Variants in TET3 observed in about 807,000 individuals in gnomAD.
TET3 encodes methylcytosine dioxygenase TET3.
Under a neutral mutation model 141.4 loss-of-function variants are expected in TET3, and 19 were observed. That is an observed-to-expected ratio of 0.13 (90% CI 0.09 to 0.20). TET3 has a LOEUF of 0.20. Among genes scored for constraint, TET3 ranks in the 10% least tolerant of loss-of-function variants. TET3 has a pLI of 1.00. For synonymous variants in TET3, 1,043 were observed against 980.9 expected (o/e 1.06, Z -1.18); for missense variants, 1,874 against 2,356.9 (o/e 0.80, Z 4.24).
the TET3 span, among the ~76,000 whole-genome samples, chr2:74,125,385 C>T: frequency 7.2e-5 from 11 of 152,210 alleles, no homozygotes; most frequent in Non-Finnish European, 1.2e-4. Context: ...TGGTACAATA[C>T]ACGTTTTCAG....
intron 4 of TET3, among the ~76,000 whole-genome samples, chr2:74,067,146 C>A (rs978788085): frequency 1.2e-4 from 19 of 152,090 alleles, no homozygotes; most frequent in African/African-American, 4.6e-4. Flanking sequence ...CTCCCCACCT[C>A]TTCACATGCA....
In TET3 at chr2:74,057,908, G is replaced by T. The variant is rs1688300318; in HGVS notation, c.2494+9497G>T. Among the ~76,000 whole-genome samples, 3 of 152,186 alleles carry T rather than the reference G, an allele frequency of 2.0e-5. No individual in the cohort carries two copies. The South Asian group carries it at 6.2e-4, about 31-fold the overall frequency. On this transcript the variant is annotated intron_variant, in intron 4 of 11. Coordinates refer to ENST00000409262, the MANE Select transcript of TET3 (RefSeq NM_001287491.2). ...TATAATTCTTTGTACATTTTCATTAGTGTTAACAAGCTTAGTTGCAAACAA... is the reference window on the plus strand; with the variant it reads ...TATAATTCTTTGTACATTTTCATTATTGTTAACAAGCTTAGTTGCAAACAA...
intron 2 of TET3, among the ~76,000 whole-genome samples, chr2:73,992,402 C>T (rs1277646506): frequency 6.6e-6 from 1 of 151,442 alleles, no homozygotes; most frequent in East Asian, 1.9e-4. Flanking sequence ...CAACTTCCAC[C>T]TCCCCGGTTC....
intron 3 of TET3, among the ~76,000 whole-genome samples, chr2:74,029,931 GTATGTAT>G (rs1486233598): frequency 6.6e-6 from 1 of 152,212 alleles, no homozygotes; most frequent in Admixed American, 6.5e-5. Flanking sequence ...AAACCACAGA[GTATGTAT>G]GTAACATGGG....
At chr2:74,077,591 T>C (rs1408778327) in intron 5 of TET3, among the ~76,000 whole-genome samples, 1 of 152,208 alleles carries the variant, frequency 6.6e-6, no homozygotes. Context: ...ATTGGCTGTC[T>C]TTAAACACAA....
chr2:73,993,064 T>C (rs935428612), intron 2 of TET3: 15 of 152,194 alleles, frequency 9.9e-5, no homozygotes, highest in African/African-American at 3.1e-4. Context: ...GGGTTCCACA[T>C]TGGGATCACC....
intron 4 of TET3, among the ~76,000 whole-genome samples, chr2:74,062,234 C>A (rs972186796): frequency 1.3e-5 from 2 of 152,200 alleles, no homozygotes; most frequent in Non-Finnish European, 1.5e-5. Context: ...GCCCGGCCAA[C>A]ACAGCGAAAC....
At chr2:74,066,190 A>C (rs1020116991) in intron 4 of TET3, among the ~76,000 whole-genome samples, 1 of 152,214 alleles carries the variant, frequency 6.6e-6, no homozygotes, top group African/African-American at 2.4e-5. Flanking sequence ...TGATATTTAT[A>C]ATTCAGACTT....
intron 11 of TET3, 41 bp downstream of exon 11, chr2:74,099,653 C>G (rs1691054912): frequency 6.7e-7 from 1 of 1,499,448 alleles, no homozygotes; most frequent in African/African-American, 1.4e-5. Flanking sequence ...CACAATGGCA[C>G]TGTCCTCATG....
At chr2:74,060,899 C>T (rs1329735488) in intron 4 of TET3, among the ~76,000 whole-genome samples, 1 of 152,182 alleles carries the variant, frequency 6.6e-6, no homozygotes, top group African/African-American at 2.4e-5. Flanking sequence ...AGTGAAAAGT[C>T]TCCCATGTCT....
Position 74,104,469 on chromosome 2 carries a change from C to G in TET3, c.*2293C>G, listed in dbSNP as rs1691397558. On this transcript the variant is annotated 3_prime_UTR_variant, in exon 12 of 12. Transcript: ENST00000409262. ...TGCTATTTTGCTTATCGCATCAGTA[C>G]TTTTATGCAGGTCTCATTTGACTCC... 2 of 152,154 alleles carry G rather than the reference C, an allele frequency of 1.3e-5. No individual in the cohort carries two copies. Among genetic ancestry groups the G allele is most frequent in the African/African-American group, 2.4e-5 (1 of 41,422 alleles). The allele number at this position is 152,154 out of a possible 1,614,324, so 9.4% of individuals were successfully genotyped here.
At chr2:74,123,777 C>T in the TET3 span, among the ~76,000 whole-genome samples, 261 of 151,532 alleles carry the variant, frequency 1.7e-3, 1 homozygote, top group East Asian at 4.3e-3. Context: ...AAGTGAGGAG[C>T]GCCTCTTCCC....
intron 3 of TET3, among the ~76,000 whole-genome samples, chr2:74,025,322 T>C (rs1295734948): frequency 6.7e-6 from 1 of 148,538 alleles, no homozygotes; most frequent in East Asian, 2.0e-4. Context: ...GGAGTCTCGC[T>C]CTGTTGCCCA....
intron 11 of TET3, 90 bp from the exon 12 acceptor site, chr2:74,100,303 A>AGG (rs1384790357): frequency 7.6e-7 from 1 of 1,322,284 alleles, no homozygotes; most frequent in Non-Finnish European, 1.0e-6. Context: ...CCTGGGAAAG[A>AGG]GGGAGGGTCC....
the TET3 span, among the ~76,000 whole-genome samples, chr2:74,128,225 A>C: frequency 6.6e-6 from 1 of 151,700 alleles, no homozygotes; most frequent in African/African-American, 2.4e-5. Context: ...GTGATTATTT[A>C]ATGTTTGCCA....
intron 7 of TET3, among the ~76,000 whole-genome samples, chr2:74,088,560 G>A (rs1015483056): frequency 6.6e-6 from 1 of 152,102 alleles, no homozygotes; most frequent in African/African-American, 2.4e-5. Flanking sequence ...AGAATCGCTT[G>A]AACTCGGGCG....
In TET3 at chr2:74,093,022, A is replaced by T. The variant is rs1472374775; in HGVS notation, c.3129+31A>T. The T allele has an allele frequency of 1.3e-6, 2 of 1,538,682 alleles. No homozygotes were observed. Among genetic ancestry groups the T allele is most frequent in the South Asian group, 1.2e-5 (1 of 83,886 alleles). On this transcript the variant is annotated intron_variant, in intron 9 of 11. Transcript: ENST00000409262. The surrounding 1 kb of genome is among the most constrained non-coding windows in gnomAD (Gnocchi z 4.2). Reference sequence around the variant, plus strand: ...GGGCCCTGGGCCTTTTGCTGCCCACATGTCACCGTCCACATCTCTGCTCAG... The same window carrying T: ...GGGCCCTGGGCCTTTTGCTGCCCACTTGTCACCGTCCACATCTCTGCTCAG...
At chr2:74,027,669 A>G (rs547019077) in intron 3 of TET3, among the ~76,000 whole-genome samples, 30 of 152,304 alleles carry the variant, frequency 2.0e-4, no homozygotes, top group African/African-American at 7.2e-4. Context: ...TTCAAGGTTC[A>G]TCCATGTTGT....
chr2:74,027,910 T>C (rs1686461887), intron 3 of TET3, among the ~76,000 whole-genome samples: 1 of 152,238 alleles, frequency 6.6e-6, no homozygotes, highest in South Asian at 2.1e-4. Context: ...TTATCTCTTC[T>C]ATATGAGTTC....
Sources: allele counts gnomAD v4.1 joint callset (sites outside exome capture counted in the v4.1 genomes callset), GRCh38; gene constraint gnomAD v4.1.1; non-coding constraint Gnocchi (gnomAD v3.1); transcripts MANE v1.5; gene names NCBI Gene and HGNC (gene_info 2026-07-23, HGNC 2026-07-21).